NEBL: variants seen among roughly 807,000 people sequenced by gnomAD.
The protein encoded by NEBL is LIM and SH3 protein 2.
Under a neutral mutation model 140.2 loss-of-function variants are expected in NEBL, and 122 were observed. The observed-to-expected ratio is 0.87, with a 90% CI of 0.75 to 1.01. The LOEUF (loss-of-function observed/expected upper bound fraction) is 1.01. Among genes scored for constraint, NEBL ranks in the 50% least tolerant of loss-of-function variants. The pLI is 0.00. For missense variants in NEBL, 1,365 were observed against 1,231.3 expected (o/e 1.11, Z -1.62); for synonymous variants, 436 against 398.9 (o/e 1.09, Z -1.11).
chr10:21,179,836 G>C (rs925830721), upstream of NEBL, among the ~76,000 whole-genome samples: 1 of 152,108 alleles, frequency 6.6e-6, no homozygotes, highest in Non-Finnish European at 1.5e-5. Context: ...GTAGCATCTA[G>C]AAACTAGAAA....
At chr10:20,899,488 C>T (rs1363244733), upstream of NEBL, 2 of 1,217,562 alleles carry the variant, frequency 1.6e-6, no homozygotes, top group East Asian at 1.2e-4. Flanking sequence ...AATGCACAAA[C>T]TTTTGAAAAC....
intron 3 of NEBL, among the ~76,000 whole-genome samples, chr10:21,204,661 G>A (rs969618940): frequency 2.0e-5 from 3 of 152,196 alleles, no homozygotes; most frequent in African/African-American, 7.2e-5. Context: ...CCTAGCAGAG[G>A]AATACATCCT....
intron 3 of NEBL, among the ~76,000 whole-genome samples, chr10:21,199,532 A>T (rs1019804272): frequency 3.9e-5 from 6 of 152,206 alleles, no homozygotes; most frequent in African/African-American, 1.4e-4. Context: ...ACTGACTAAA[A>T]CTAGATAGTA....
At chr10:20,945,774 C>T (rs1835125864) in intron 4 of NEBL, among the ~76,000 whole-genome samples, 1 of 152,158 alleles carries the variant, frequency 6.6e-6, no homozygotes, top group Non-Finnish European at 1.5e-5. Context: ...CCAGATATAA[C>T]ATATAATCAA....
At chr10:20,798,802 G>A (rs1836818877) in intron 26 of NEBL, among the ~76,000 whole-genome samples, 1 of 152,104 alleles carries the variant, frequency 6.6e-6, no homozygotes, top group Non-Finnish European at 1.5e-5. Flanking sequence ...CACACATACG[G>A]AACCCTTTGA....
chr10:20,901,247 G>A (rs981629102), upstream of NEBL, among the ~76,000 whole-genome samples: 1 of 152,118 alleles, frequency 6.6e-6, no homozygotes, highest in African/African-American at 2.4e-5. Context: ...GAAGTCTTCT[G>A]ATCTTTTGAT....
At position 21,173,853 on chromosome 10, in the gene NEBL, G is replaced by C. The variant is rs777549795; in HGVS notation, c.-20C>G. The C allele has an allele frequency of 1.2e-6, 2 of 1,607,238 alleles. No individual in the cohort carries two copies. Among genetic ancestry groups the C allele is most frequent in the Non-Finnish European group, 1.7e-6 (2 of 1,178,768 alleles). On this transcript the variant is annotated 5_prime_UTR_variant, in exon 1 of 7. Transcript: ENST00000417816. The surrounding 1 kb of genome is among the most constrained non-coding windows in gnomAD (Gnocchi z 5.7). The stretch of plus-strand genomic sequence containing the variant: ...GTTCATGATCGCGGTTCCCGGGGGC[G>C]GCGGCGGCGGCGGCTGCTGGCTCCC...
At chr10:21,139,908 T>C (rs1361989817) in intron 2 of NEBL, among the ~76,000 whole-genome samples, 1 of 148,292 alleles carries the variant, frequency 6.7e-6, no homozygotes, top group East Asian at 2.0e-4. Context: ...CCCAGCACTT[T>C]GGGAGGCTGA....
chr10:21,228,494 G>A lies in NEBL; in HGVS notation n.348+19427C>T, dbSNP rs78190157. ...ATGGGTGATTTTTTTGAATTGGCCA[G>A]GGACAATTAGACCATCTTGCTCCCT... On this transcript the variant is annotated intron_variant and non_coding_transcript_variant, in intron 3 of 8. Transcript: ENST00000675702. 1.1e-3 allele frequency among the ~76,000 whole-genome samples: 162 copies of A among 152,200 alleles called. 2 individuals are homozygous for A. The highest frequency in any genetic ancestry group is 3.8e-3 in the African/African-American group (156 of 41,524).
At chr10:21,216,720 G>A (rs963435507) in intron 3 of NEBL, among the ~76,000 whole-genome samples, 34 of 148,844 alleles carry the variant, frequency 2.3e-4, no homozygotes, top group Non-Finnish European at 1.6e-4. Flanking sequence ...GTGGTGAGCC[G>A]AGATCGCACC....
exon 4 of NEBL, chr10:20,961,744 C>G: frequency 6.2e-7 from 1 of 1,613,878 alleles, no homozygotes; most frequent in South Asian, 1.1e-5. Flanking sequence ...TGAAGCCCCT[C>G]CCTTTGCTTT....
intron 1 of NEBL, among the ~76,000 whole-genome samples, chr10:21,257,909 AC>A (rs1393634451): frequency 1.5e-5 from 2 of 133,122 alleles, no homozygotes; most frequent in African/African-American, 7.5e-5. Flanking sequence ...CAAAAAAAAA[AC>A]ATCAAAACAC....
At chr10:21,271,457 A>G (rs1464194358) in intron 1 of NEBL, among the ~76,000 whole-genome samples, 3 of 152,194 alleles carry the variant, frequency 2.0e-5, no homozygotes, top group Admixed American at 6.6e-5. Flanking sequence ...GGTTTCATGT[A>G]CAACGTGGTA....
At chr10:21,167,405 C>G in intron 2 of NEBL, among the ~76,000 whole-genome samples, 1 of 152,058 alleles carries the variant, frequency 6.6e-6, no homozygotes, top group Non-Finnish European at 1.5e-5. Flanking sequence ...ATGTTCAGCC[C>G]AAAAATATGT....
intron 4 of NEBL, among the ~76,000 whole-genome samples, chr10:20,887,089 C>T (rs1329806582): frequency 6.6e-6 from 1 of 152,146 alleles, no homozygotes; most frequent in Non-Finnish European, 1.5e-5. Flanking sequence ...GAAAACACAA[C>T]ATTAAGATGA....
chr10:20,999,794 A>G (rs2131709239), intron 3 of NEBL, among the ~76,000 whole-genome samples: 1 of 152,210 alleles, frequency 6.6e-6, no homozygotes, highest in South Asian at 2.1e-4. Context: ...AGCCTGTCGT[A>G]TTTCTTCAAA....
chr10:21,157,335 C>T (rs910792771), intron 2 of NEBL, among the ~76,000 whole-genome samples: 7 of 151,888 alleles, frequency 4.6e-5, no homozygotes, highest in African/African-American at 1.2e-4. Flanking sequence ...TTTGGGAGGC[C>T]GAGGTGGGTG....
Position 20,971,044 on chromosome 10 carries a change from C to T in NEBL, c.250-9265G>A, listed in dbSNP as rs147155190. Among the ~76,000 whole-genome samples the T allele has an allele frequency of 2.7e-3, 405 of 152,226 alleles. 2 individuals carry two copies. The highest frequency in any genetic ancestry group is 9.2e-3 in the African/African-American group (380 of 41,530). ...ATTATCTGTAACGGATCCTGTAGTG[C>T]CACAAAAGAGACAAATAACCTCCCA... is the stretch of plus-strand genomic sequence containing the variant. On this transcript the variant is annotated intron_variant, in intron 3 of 6. Coordinates refer to the NEBL transcript ENST00000417816.
In NEBL at chr10:21,240,242, C is replaced by T. The variant is rs376957101; in HGVS notation, n.348+7679G>A. Reference sequence around the variant, plus strand: ...GATTCTCCCTGTATTTCTAGCTTTTCAGTGCATTTTACACACTGAAAATCC... The same window carrying T: ...GATTCTCCCTGTATTTCTAGCTTTTTAGTGCATTTTACACACTGAAAATCC... On this transcript the variant is annotated intron_variant and non_coding_transcript_variant, in intron 3 of 8. Coordinates refer to the NEBL transcript ENST00000675702. 5.9e-5 allele frequency among the ~76,000 whole-genome samples: 9 copies of T among 152,316 alleles called. No homozygotes were observed. In the East Asian group the frequency reaches 9.6e-4, roughly 16 times the overall value.
Sources: gnomAD v4.1 joint callset for allele counts (sites outside exome capture counted in the v4.1 genomes callset) on GRCh38, gnomAD v4.1.1 for gene constraint, Gnocchi (gnomAD v3.1) non-coding constraint, MANE v1.5 for transcripts, NCBI Gene and HGNC (gene_info 2026-07-23, HGNC 2026-07-21) for gene names.